Variants in CDH4 observed in about 807,000 individuals in gnomAD.
CDH4 encodes cadherin-4.
CDH4 carries 33 observed loss-of-function variants against 86.0 expected under a neutral mutation model. That is an observed-to-expected ratio of 0.38 (90% CI 0.29 to 0.51). The LOEUF (loss-of-function observed/expected upper bound fraction) is 0.51. Among genes scored for constraint, CDH4 ranks in the 20% least tolerant of loss-of-function variants. The pLI is 0.86. For missense variants in CDH4, 1,114 were observed against 1,307.4 expected (o/e 0.85, Z 2.28); for synonymous variants, 555 against 549.4 (o/e 1.01, Z -0.14).
chr20:61,686,784 T>C (rs1455893993), intron 2 of CDH4, among the ~76,000 whole-genome samples: 3 of 152,344 alleles, frequency 2.0e-5, no homozygotes, highest in East Asian at 3.9e-4. Flanking sequence ...CGTGTGTGTG[T>C]GCATGTGTGC....
chr20:61,289,514 T>G (rs985248942), intron 2 of CDH4, among the ~76,000 whole-genome samples: 1 of 152,326 alleles, frequency 6.6e-6, no homozygotes, highest in South Asian at 2.1e-4. Flanking sequence ...AAACAATCTC[T>G]GTTCTGGTGC....
At chr20:61,791,495 C>A (rs781770672) in intron 4 of CDH4, among the ~76,000 whole-genome samples, 4 of 152,248 alleles carry the variant, frequency 2.6e-5, no homozygotes, top group Admixed American at 6.5e-5. Context: ...ACGTGTATTG[C>A]GATCAGCTCT....
At chr20:61,667,756 C>T (rs2087343116) in intron 2 of CDH4, among the ~76,000 whole-genome samples, 2 of 152,230 alleles carry the variant, frequency 1.3e-5, no homozygotes, top group South Asian at 4.1e-4. Flanking sequence ...GCTCTCAGCC[C>T]ACTGACCTTG....
intron 2 of CDH4, among the ~76,000 whole-genome samples, chr20:61,337,546 G>A (rs13045860): frequency 1 from 152,108 of 152,108 alleles, 76,054 homozygotes; most frequent in Non-Finnish European, 1. Flanking sequence ...CATGGTCGTG[G>A]TGGTGGTGAT....
chr20:61,575,656 C>T (rs969543590), intron 2 of CDH4, among the ~76,000 whole-genome samples: 1 of 152,256 alleles, frequency 6.6e-6, no homozygotes, highest in Non-Finnish European at 1.5e-5. Context: ...GGAACACAGC[C>T]ACACCCATTC....
At position 61,572,878 on chromosome 20, in the gene CDH4, G is replaced by T. The variant is rs1350092824; in HGVS notation, c.170-170685G>T. Among the ~76,000 whole-genome samples, 27 of 140,712 alleles carry T rather than the reference G, an allele frequency of 1.9e-4. No individual in the cohort carries two copies. The East Asian group carries it at 5.1e-3, about 27-fold the overall frequency. 92.3% of individuals were successfully genotyped at this position (140,712 alleles called of 152,430 possible). On this transcript the variant is annotated intron_variant, in intron 2 of 15. Transcript: ENST00000614565. ...ATGGATGGATGGATGGACAGACAGA[G>T]GGAGAGATGGATGGACAGACGGATG...
intron 4 of CDH4, among the ~76,000 whole-genome samples, chr20:61,841,571 A>T (rs1264280094): frequency 6.6e-6 from 1 of 152,054 alleles, no homozygotes; most frequent in Non-Finnish European, 1.5e-5. Context: ...TTTCCCATGG[A>T]CCGCTGAGGG....
chr20:61,704,921 C>A (rs568677928), intron 2 of CDH4, among the ~76,000 whole-genome samples: 2 of 152,308 alleles, frequency 1.3e-5, no homozygotes, highest in East Asian at 3.9e-4. Flanking sequence ...ATTCCAGAAC[C>A]AGGGATATAG....
intron 4 of CDH4, among the ~76,000 whole-genome samples, chr20:61,777,884 C>T (rs927829433): frequency 8.6e-6 from 1 of 116,326 alleles, no homozygotes; most frequent in African/African-American, 3.1e-5. Context: ...ATACTATACA[C>T]ACATGCACAC....
At chr20:61,771,657 G>A (rs2145984273) in intron 3 of CDH4, among the ~76,000 whole-genome samples, 1 of 150,942 alleles carries the variant, frequency 6.6e-6, no homozygotes, top group African/African-American at 2.4e-5. Context: ...TGCAGGTGCA[G>A]TTGATGCTGT....
At chr20:61,467,860 C>T (rs566162421) in intron 2 of CDH4, among the ~76,000 whole-genome samples, 1 of 152,264 alleles carries the variant, frequency 6.6e-6, no homozygotes, top group South Asian at 2.1e-4. Flanking sequence ...TAGGAGGACT[C>T]ACAGAGCTCA....
chr20:61,435,217 C>G (rs973247915), intron 2 of CDH4, among the ~76,000 whole-genome samples: 20 of 152,372 alleles, frequency 1.3e-4, no homozygotes, highest in African/African-American at 4.8e-4. Flanking sequence ...GCCATGCTGT[C>G]TCTGTCCATC....
intron 2 of CDH4, among the ~76,000 whole-genome samples, chr20:61,706,081 C>G (rs761124419): frequency 2.8e-4 from 43 of 152,238 alleles, no homozygotes; most frequent in Admixed American, 4.6e-4. Flanking sequence ...CCATTGTGCC[C>G]AGTGGCTTTA....
Position 61,920,716 on chromosome 20 carries a change from G to A in CDH4, c.1375-2735G>A, listed in dbSNP as rs1600774570. Among the ~76,000 whole-genome samples, 3 of 150,064 alleles carry A rather than the reference G, an allele frequency of 2.0e-5. No homozygotes were observed. The South Asian group carries it at 6.4e-4, about 32-fold the overall frequency. ...GATTGCATGGAAGCGTGGTGTCACG[G>A]TGATTGCATGGAAGCGTGGTGTGGT... On this transcript the variant is annotated intron_variant, in intron 9 of 15. Transcript: ENST00000614565.
At chr20:61,702,423 T>C (rs1450144002) in intron 2 of CDH4, among the ~76,000 whole-genome samples, 2 of 152,156 alleles carry the variant, frequency 1.3e-5, no homozygotes, top group Non-Finnish European at 2.9e-5. Flanking sequence ...ACACAAAACA[T>C]TGCTCTGTAA....
intron 4 of CDH4, among the ~76,000 whole-genome samples, chr20:61,792,470 G>A (rs1242045686): frequency 6.6e-6 from 1 of 152,170 alleles, no homozygotes; most frequent in Non-Finnish European, 1.5e-5. Flanking sequence ...CGGGAGTTAA[G>A]TCTGCTGGGC....
intron 2 of CDH4, among the ~76,000 whole-genome samples, chr20:61,375,471 G>A (rs1224351247): frequency 2.0e-5 from 3 of 151,854 alleles, no homozygotes; most frequent in Non-Finnish European, 4.4e-5. Context: ...TAGTGATGGT[G>A]TGGTTTATTG....
At chr20:61,925,192 T>G (rs6089554) in intron 11 of CDH4, among the ~76,000 whole-genome samples, 1 of 152,118 alleles carries the variant, frequency 6.6e-6, no homozygotes, top group Admixed American at 6.5e-5. Flanking sequence ...TGAGAGCACG[T>G]GGGGCTTTCT....
intron 2 of CDH4, among the ~76,000 whole-genome samples, chr20:61,280,605 A>T (rs187090414): frequency 6.6e-6 from 1 of 152,250 alleles, no homozygotes; most frequent in Non-Finnish European, 1.5e-5. Flanking sequence ...TTATAAGCAC[A>T]AGGCTGGGGT....
Sources: gnomAD v4.1 joint callset for allele counts (sites outside exome capture counted in the v4.1 genomes callset) on GRCh38, gnomAD v4.1.1 for gene constraint, MANE v1.5 for transcripts, NCBI Gene and HGNC (gene_info 2026-07-23, HGNC 2026-07-21) for gene names.